Variants in GTF3C3 observed in about 807,000 individuals in gnomAD.
GTF3C3 encodes the protein general transcription factor 3C polypeptide 3.
In GTF3C3, 75 loss-of-function variants were observed where a neutral mutation model predicts 105.2. That is an observed-to-expected ratio of 0.71 (90% CI 0.59 to 0.86). The LOEUF is 0.86. Among genes scored for constraint, GTF3C3 ranks in the 40% least tolerant of loss-of-function variants. The pLI is 0.00. For synonymous variants in GTF3C3, 335 were observed against 370.4 expected, an observed-to-expected ratio of 0.90 and a Z score of 1.10; for missense variants, 856 against 1,076.5, an observed-to-expected ratio of 0.80 and a Z score of 2.87.
At chr2:196,791,307 T>C (rs375709854) in intron 4 of GTF3C3, 30 bp downstream of exon 4, 101 of 1,611,290 alleles carry the variant, frequency 6.3e-5, no homozygotes, top group Non-Finnish European at 7.7e-5. Context: ...ATTAAACTGC[T>C]ATTATTAACA....
intron 2 of GTF3C3, among the ~76,000 whole-genome samples, 185 bp downstream of exon 2, chr2:196,797,612 A>G (rs1040372145): frequency 7.2e-5 from 11 of 152,224 alleles, no homozygotes; most frequent in African/African-American, 2.4e-4. Flanking sequence ...AAAAATAACC[A>G]TCAGGGTATT....
At chr2:196,778,500 G>T (rs1357652814) in intron 10 of GTF3C3, 1 of 187,026 alleles carries the variant, frequency 5.3e-6, no homozygotes, top group Non-Finnish European at 1.1e-5. Context: ...TTGAGTATGT[G>T]TGGCTCAAAG....
Position 196,780,614 on chromosome 2 carries a change from A to G in GTF3C3, c.1163T>C (p.Ile388Thr), listed in dbSNP as rs1161970429. The change falls in exon 9 of 18, where the codon ATC becomes ACC. Residue 388 changes from isoleucine to threonine, a missense_variant. Ile to Thr is a moderately conservative substitution (Grantham distance 89, BLOSUM62 -1). Around this residue, in one of 3 missense-constraint regions of GTF3C3, gnomAD observed 605 missense variants for 833.6 expected, o/e 0.73. Transcript: ENST00000263956. ...CTIPDGVPID[I>T]TVKLMVCLVH... The stretch of plus-strand genomic sequence containing the variant: ...AAGGCAGACCATCAACTTCACTGTG[A>G]TATCTATTGGCACGCCATCAGGTAT... 6 of 1,613,568 alleles carry G rather than the reference A, an allele frequency of 3.7e-6. No individual in the cohort carries two copies. The highest frequency in any genetic ancestry group is 1.1e-5 in the South Asian group (1 of 91,028).
rs201507284 is a variant in GTF3C3 at position 196,764,602 on chromosome 2, T to G, written c.2622A>C (p.Gly874=). 1 of 1,613,848 alleles carries G rather than the reference T, an allele frequency of 6.2e-7. No individual in the cohort carries two copies. The highest frequency in any genetic ancestry group is 2.2e-5 in the East Asian group (1 of 44,876). ...SLIYQSSGNT[G]MAQTLLYTYC... ...AGGTATACAAAAGCGTTTGAGCCAT[T>G]CCGGTATTCCCACTGCTCTGATAGA... is the stretch of plus-strand genomic sequence containing the variant. The change falls in exon 18 of 18, where the codon GGA becomes GGC. Residue 874 remains glycine, a synonymous_variant. Transcript: ENST00000263956.
intron 8 of GTF3C3, 56 bp from the exon 9 acceptor site, chr2:196,780,718 T>C (rs112248016): frequency 3.2e-6 from 5 of 1,559,774 alleles, no homozygotes; most frequent in African/African-American, 1.4e-5. Context: ...GATGTGTATC[T>C]TCTATGTAAG....
At chr2:196,780,986 T>C (rs991422052) in intron 8 of GTF3C3, 1 of 174,192 alleles carries the variant, frequency 5.7e-6, no homozygotes, top group Admixed American at 6.2e-5. Context: ...AGTCTCTTTT[T>C]AGTGTTCACT....
chr2:196,785,951 A>G (rs919906314), intron 6 of GTF3C3, among the ~76,000 whole-genome samples: 1 of 152,086 alleles, frequency 6.6e-6, no homozygotes, highest in African/African-American at 2.4e-5. Flanking sequence ...CCATGGCCCA[A>G]CGTTATAGCT....
In GTF3C3 at chr2:196,785,499, T is replaced by C; in HGVS notation, c.983A>G (p.Asp328Gly). 1 of 1,610,018 alleles carries C rather than the reference T, an allele frequency of 6.2e-7. No homozygotes were observed. The highest frequency in any genetic ancestry group is 8.5e-7 in the Non-Finnish European group (1 of 1,176,756). Residue 328 changes from aspartate (D) to glycine (G), a missense_variant, in exon 7 of 18, where the codon GAT (aspartate) becomes GGT (glycine). Physicochemically the swap from Asp to Gly is moderately conservative, Grantham distance 94. Around this residue, in one of 3 missense-constraint regions of GTF3C3, gnomAD observed 605 missense variants for 833.6 expected, o/e 0.73. Transcript: ENST00000263956. ...SKHQGLVSME[D>G]VNIAAELYIS... ...ATATAGTTCAGCTGCTATGTTAACA[T>C]CTTCCATGGAGACTAGGCCCTGGTG...
chr2:196,780,506 A>C (rs921056772), intron 9 of GTF3C3, 53 bp downstream of exon 9: 2 of 1,577,004 alleles, frequency 1.3e-6, no homozygotes, highest in African/African-American at 2.7e-5. Context: ...ATCTAAAGAA[A>C]AGAGATGGTG....
At chr2:196,769,188 C>T (rs1699126491) in intron 16 of GTF3C3, among the ~76,000 whole-genome samples, 1 of 152,130 alleles carries the variant, frequency 6.6e-6, no homozygotes, top group Admixed American at 6.5e-5. Context: ...ACTGTTATCA[C>T]CATTTTAATG....
intron 16 of GTF3C3, among the ~76,000 whole-genome samples, chr2:196,767,479 T>C (rs1488417923): frequency 6.6e-6 from 1 of 152,228 alleles, no homozygotes; most frequent in Admixed American, 6.5e-5. Context: ...AATTTATGAA[T>C]ATAGAATATA....
At chr2:196,770,259 C>G (rs1278305282) in intron 15 of GTF3C3, among the ~76,000 whole-genome samples, 2 of 152,192 alleles carry the variant, frequency 1.3e-5, no homozygotes, top group Non-Finnish European at 2.9e-5. Context: ...ATATGAGGAA[C>G]TAAATTAACT....
intron 16 of GTF3C3, 123 bp downstream of exon 16, chr2:196,769,792 C>T (rs1047885276): frequency 2.5e-5 from 18 of 721,728 alleles, no homozygotes; most frequent in Non-Finnish European, 3.8e-5. Context: ...GTGTTGGGGA[C>T]CCCCGTCATG....
At chr2:196,780,424 T>A in intron 9 of GTF3C3, 135 bp downstream of exon 9, 3 of 1,319,990 alleles carry the variant, frequency 2.3e-6, no homozygotes, top group Admixed American at 3.1e-5. Flanking sequence ...TACAAAATTA[T>A]TTGATGCTTA....
At chr2:196,770,218 C>G (rs898196529) in intron 15 of GTF3C3, among the ~76,000 whole-genome samples, 179 bp from the exon 16 acceptor site, 28 of 152,160 alleles carry the variant, frequency 1.8e-4, no homozygotes, top group African/African-American at 6.5e-4. Flanking sequence ...AAAACAAGTT[C>G]CCCATGAATG....
chr2:196,793,510 T>C (rs1242777058), intron 2 of GTF3C3, among the ~76,000 whole-genome samples: 1 of 152,046 alleles, frequency 6.6e-6, no homozygotes, highest in African/African-American at 2.4e-5. Context: ...TATACGATAG[T>C]GGTTAAAAGT....
intron 6 of GTF3C3, among the ~76,000 whole-genome samples, chr2:196,788,763 C>T (rs1278060687): frequency 1.3e-5 from 2 of 152,002 alleles, no homozygotes; most frequent in Non-Finnish European, 2.9e-5. Flanking sequence ...ACTGAAAATT[C>T]GGTACAATCT....
chr2:196,789,800 C>T (rs1699515418), intron 5 of GTF3C3, 79 bp downstream of exon 5: 4 of 873,756 alleles, frequency 4.6e-6, no homozygotes, highest in South Asian at 3.8e-5. Context: ...TATCACACCC[C>T]AGAATAGCAA....
chr2:196,774,952 CTTTTT>C, intron 13 of GTF3C3, 159 bp downstream of exon 13: 1 of 463,788 alleles, frequency 2.2e-6, no homozygotes, highest in African/African-American at 2.0e-5. Flanking sequence ...TTAGCCTTTC[CTTTTT>C]AACATCGAAT....
Sources: gnomAD v4.1 joint callset for allele counts (sites outside exome capture counted in the v4.1 genomes callset) on GRCh38, gnomAD v4.1.1 for gene constraint, gnomAD v4.1.1 regional missense constraint, MANE v1.5 for transcripts, NCBI Gene and HGNC (gene_info 2026-07-23, HGNC 2026-07-21) for gene names.